ADAP1: variants seen among roughly 807,000 people sequenced by gnomAD.
ADAP1 encodes the protein ArfGAP with dual PH domains 1, also known as arf-GAP with dual PH domain-containing protein 1.
ADAP1 carries 31 observed loss-of-function variants against 54.9 expected under a neutral mutation model. The observed-to-expected ratio is 0.56, with a 90% CI of 0.42 to 0.76. ADAP1 has a LOEUF of 0.76. ADAP1 is among the 30% of genes least tolerant of loss of function. ADAP1 has a pLI of 0.00. For synonymous variants in ADAP1, 313 were observed against 202.6 expected (o/e 1.55, Z -4.63); for missense variants, 535 against 512.4 (o/e 1.04, Z -0.42).
chr7:935,815 C>T (rs1451509735), intron 1 of ADAP1, among the ~76,000 whole-genome samples: 1 of 152,166 alleles, frequency 6.6e-6, no homozygotes, highest in African/African-American at 2.4e-5. Context: ...GCCCATGCCC[C>T]GGGCTGGAGG....
intron 4 of ADAP1, among the ~76,000 whole-genome samples, chr7:906,755 T>TG (rs1845452838): frequency 4.5e-5 from 1 of 22,236 alleles, no homozygotes; most frequent in Non-Finnish European, 9.5e-5. Context: ...ATAGGGGACA[T>TG]GGACAGGGGA....
At chr7:955,226 C>T (rs1647624840), upstream of ADAP1, 4 of 1,438,600 alleles carry the variant, frequency 2.8e-6, no homozygotes, top group African/African-American at 5.7e-5. Flanking sequence ...CTCAGGCAGG[C>T]TGAGGGGCCC....
At chr7:944,550 G>T (rs983474456) in intron 1 of ADAP1, among the ~76,000 whole-genome samples, 1 of 151,970 alleles carries the variant, frequency 6.6e-6, no homozygotes, top group Non-Finnish European at 1.5e-5. Flanking sequence ...CACCGAGCCC[G>T]GCCTATTTTT....
At chr7:900,227 GCTGTGCCCCT>G in intron 7 of ADAP1, 63 bp from the exon 8 acceptor site, 7 of 1,595,802 alleles carry the variant, frequency 4.4e-6, no homozygotes, top group Non-Finnish European at 6.0e-6. Context: ...CCCCTCCCTG[GCTGTGCCCCT>G]CTGTGCTCCC....
intron 6 of ADAP1, among the ~76,000 whole-genome samples, chr7:901,661 C>T (rs1255701510): frequency 6.5e-5 from 9 of 137,838 alleles, no homozygotes; most frequent in Non-Finnish European, 1.3e-4. Context: ...TGCCCCTCAT[C>T]GGCCTCCAGC....
In ADAP1 at chr7:938,181, T is replaced by C. The variant is rs1158712906; in HGVS notation, c.83-2676A>G. Among the ~76,000 whole-genome samples, 1 of 151,164 alleles carries C rather than the reference T, an allele frequency of 6.6e-6. No homozygotes were observed. Among genetic ancestry groups the C allele is most frequent in the Non-Finnish European group, 1.5e-5 (1 of 68,036 alleles). Reference sequence around the variant, plus strand: ...GGGTTTTTTTTGTCTTGTATTGTATTGTTTTGTTTTGAGACAGGGTCTTGC... The same window carrying C: ...GGGTTTTTTTTGTCTTGTATTGTATCGTTTTGTTTTGAGACAGGGTCTTGC... On this transcript the variant is annotated intron_variant, in intron 1 of 10. Transcript: ENST00000265846. This position sits in a 1 kb window ranked among gnomAD's most constrained non-coding sequence, Gnocchi z 4.4.
intron 1 of ADAP1, among the ~76,000 whole-genome samples, chr7:939,381 G>T (rs550401131): frequency 6.6e-6 from 1 of 151,276 alleles, no homozygotes; most frequent in Non-Finnish European, 1.5e-5. Context: ...CACCATGCCC[G>T]GCTAATTTTC....
At chr7:914,464 G>C (rs779060944) in intron 4 of ADAP1, among the ~76,000 whole-genome samples, 2 of 152,190 alleles carry the variant, frequency 1.3e-5, no homozygotes, top group East Asian at 3.9e-4. Context: ...GCCAACTGGC[G>C]CTGGAGCCCT....
Position 922,288 on chromosome 7 carries a change from G to A in ADAP1, c.306-2238C>T, listed in dbSNP as rs559176602. On this transcript the variant is annotated intron_variant, in intron 3 of 10. Coordinates refer to ENST00000265846, the MANE Select transcript of ADAP1 (RefSeq NM_006869.4). ...AAGTTCCAGGGCTCAGGGGAGCCAG[G>A]CTTCAAGGACCCCTAGGCCACCCCT... is the stretch of plus-strand genomic sequence containing the variant. 2.6e-5 allele frequency among the ~76,000 whole-genome samples: 4 copies of A among 152,276 alleles called. No individual in the cohort carries two copies. The East Asian group carries it at 5.8e-4, about 22-fold the overall frequency.
At chr7:944,918 G>C (rs1192099608) in intron 1 of ADAP1, among the ~76,000 whole-genome samples, 1 of 145,680 alleles carries the variant, frequency 6.9e-6, no homozygotes, top group African/African-American at 2.8e-5. Flanking sequence ...GGGTGACTCT[G>C]GGTGACTCTG....
At position 945,832 on chromosome 7, in the gene ADAP1, G is replaced by C. The variant is rs949480590; in HGVS notation, c.82+8564C>G. The C allele has an allele frequency of 2.0e-6, 2 of 985,512 alleles. No individual in the cohort carries two copies. Among genetic ancestry groups the C allele is most frequent in the Non-Finnish European group, 2.4e-6 (2 of 830,072 alleles). The allele number at this position is 985,512 out of a possible 1,614,324, so 61.0% of individuals were successfully genotyped here. On this transcript the variant is annotated intron_variant, in intron 1 of 10. Coordinates refer to ENST00000265846, the MANE Select transcript of ADAP1 (RefSeq NM_006869.4). The surrounding 1 kb of genome is among the most constrained non-coding windows in gnomAD (Gnocchi z 4.2). ...GAGCTGGTCTGGGGCACCTGGGCAG[G>C]TGAGCCACATTCTTGGGCGGAGCCA...
At position 954,523 on chromosome 7, in the gene ADAP1, G is replaced by A; in HGVS notation, c.-46C>T. 9.0e-6 allele frequency: 9 copies of A among 1,002,942 alleles called. No individual in the cohort carries two copies. Among genetic ancestry groups the A allele is most frequent in the Non-Finnish European group, 9.5e-6 (8 of 843,554 alleles). 62.1% of individuals were successfully genotyped at this position (1,002,942 alleles called of 1,614,324 possible). On this transcript the variant is annotated 5_prime_UTR_variant, in exon 1 of 11. Coordinates refer to ENST00000265846, the MANE Select transcript of ADAP1 (RefSeq NM_006869.4). ...GCCGATGCCGGGGCCGGGGCCGGGA[G>A]CGTCAGCCCGGCTCGCTAGGGCCCC...
chr7:911,964 C>T (rs189547024), intron 4 of ADAP1, among the ~76,000 whole-genome samples: 248 of 152,242 alleles, frequency 1.6e-3, no homozygotes, highest in African/African-American at 5.7e-3. Flanking sequence ...TCATGGGCCA[C>T]GTAAAGCCTC....
At chr7:953,620 G>A (rs970232345) in intron 1 of ADAP1, among the ~76,000 whole-genome samples, 11 of 152,228 alleles carry the variant, frequency 7.2e-5, no homozygotes, top group Non-Finnish European at 1.2e-4. Context: ...CAGCGCAGCC[G>A]GCCTGGGGCT....
intron 2 of ADAP1, among the ~76,000 whole-genome samples, chr7:929,941 A>T (rs1846513400): frequency 6.6e-6 from 1 of 151,484 alleles, no homozygotes; most frequent in Admixed American, 6.6e-5. Flanking sequence ...CCGTCTCTAC[A>T]AAAAATACAA....
In ADAP1 at chr7:900,323, C is replaced by T. The variant is rs540883367; in HGVS notation, c.733-159G>A. Among the ~76,000 whole-genome samples, 34 of 152,304 alleles carry T rather than the reference C, an allele frequency of 2.2e-4. 1 individual carries two copies. The East Asian group carries it at 6.6e-3, about 29-fold the overall frequency. On this transcript the variant is annotated intron_variant, in intron 7 of 10. Coordinates refer to ENST00000265846, the MANE Select transcript of ADAP1 (RefSeq NM_006869.4). ...GATCCACATTTCTGCCTCTGCTTGCCACCCCTTCCCTCCCCGCTTTCCCCT... is the reference window on the plus strand; with the variant it reads ...GATCCACATTTCTGCCTCTGCTTGCTACCCCTTCCCTCCCCGCTTTCCCCT...
intron 1 of ADAP1, among the ~76,000 whole-genome samples, chr7:937,937 G>A (rs534523244): frequency 6.6e-6 from 1 of 152,166 alleles, no homozygotes; most frequent in Non-Finnish European, 1.5e-5. Flanking sequence ...TCCGGAGCAG[G>A]TCTCCACGGG....
intron 4 of ADAP1, 39 bp from the exon 5 acceptor site, chr7:905,211 G>A (rs1277550849): frequency 1.3e-6 from 2 of 1,493,892 alleles, no homozygotes; most frequent in South Asian, 1.1e-5. Context: ...GACAGTGGAT[G>A]GGGGGGAGGA....
chr7:952,813 G>A (rs910955356), intron 1 of ADAP1, among the ~76,000 whole-genome samples: 13 of 152,312 alleles, frequency 8.5e-5, no homozygotes, highest in South Asian at 2.1e-4. Context: ...ACCCGGCAGC[G>A]TGGGGCATAG....
Sources: gnomAD v4.1 joint callset for allele counts (sites outside exome capture counted in the v4.1 genomes callset) on GRCh38, gnomAD v4.1.1 for gene constraint, Gnocchi (gnomAD v3.1) non-coding constraint, MANE v1.5 for transcripts, NCBI Gene and HGNC (gene_info 2026-07-23, HGNC 2026-07-21) for gene names.